The following POR variants were observed in gnomAD, a reference collection of about 807,000 sequenced individuals.
POR encodes cytochrome p450 oxidoreductase.
In POR, 56 loss-of-function variants were observed where a neutral mutation model predicts 84.0. The ratio of observed to expected loss-of-function variants is 0.67; its 90% CI spans 0.54 to 0.83. The LOEUF is 0.83. POR is among the 40% of genes least tolerant of loss of function. The pLI is 0.00. For missense variants in POR, 938 were observed against 944.3 expected (o/e 0.99, Z 0.09); for synonymous variants, 414 against 400.5 (o/e 1.03, Z -0.40).
intron 10 of POR, 67 bp downstream of exon 10, chr7:75,983,923 C>T (rs899780848): frequency 1.5e-5 from 19 of 1,306,072 alleles, no homozygotes; most frequent in African/African-American, 1.5e-5. Flanking sequence ...GTAGGAAGGC[C>T]CTGGGTTGAG....
At chr7:75,957,451 C>T (rs1787737289) in intron 2 of POR, among the ~76,000 whole-genome samples, 1 of 152,158 alleles carries the variant, frequency 6.6e-6, no homozygotes. Context: ...GTCCAGGACC[C>T]AGCTCCTGAA....
chr7:75,936,616 C>G (rs1160279284), intron 1 of POR, among the ~76,000 whole-genome samples: 3 of 151,966 alleles, frequency 2.0e-5, no homozygotes, highest in Non-Finnish European at 4.4e-5. Context: ...ATGCTGTGGG[C>G]TTGCTGCCGT....
At chr7:75,957,509 C>T (rs374040396) in intron 2 of POR, among the ~76,000 whole-genome samples, 7 of 151,126 alleles carry the variant, frequency 4.6e-5, no homozygotes, top group South Asian at 4.3e-4. Flanking sequence ...GCCCCACCGC[C>T]GTGAGTGAGG....
At chr7:75,983,045 G>C (rs1347281506) in intron 8 of POR, among the ~76,000 whole-genome samples, 1 of 152,198 alleles carries the variant, frequency 6.6e-6, no homozygotes, top group East Asian at 1.9e-4. Context: ...GGACTATAGA[G>C]AGAACTGCAT....
At chr7:75,974,337 G>A (rs919790167) in intron 3 of POR, among the ~76,000 whole-genome samples, 3 of 152,000 alleles carry the variant, frequency 2.0e-5, no homozygotes, top group East Asian at 1.9e-4. Flanking sequence ...CAAGAATAGC[G>A]ACGTGTGAGA....
intron 1 of POR, among the ~76,000 whole-genome samples, chr7:75,919,020 A>G (rs1194267654): frequency 2.7e-5 from 4 of 146,614 alleles, no homozygotes; most frequent in African/African-American, 1.0e-4. Flanking sequence ...TTTTTTTTAG[A>G]CAGAGTCTCA....
In POR at chr7:75,979,652, C is replaced by T. The variant is rs574876074; in HGVS notation, c.366+73C>T. The T allele has an allele frequency of 7.6e-6, 12 of 1,575,312 alleles. No individual in the cohort carries two copies. The East Asian group carries it at 2.5e-4, about 33-fold the overall frequency. Reference sequence around the variant, plus strand: ...CAGGGAGCAGGTCTGTAGGGCGCCCCTCAGCAGGGGGAGGCCGGCAGGGAG... The same window carrying T: ...CAGGGAGCAGGTCTGTAGGGCGCCCTTCAGCAGGGGGAGGCCGGCAGGGAG... On this transcript the variant is annotated intron_variant, in intron 4 of 15. Transcript: ENST00000461988.
At chr7:75,968,026 G>C (rs1463253231) in intron 2 of POR, 5 of 454,632 alleles carry the variant, frequency 1.1e-5, no homozygotes, top group East Asian at 6.9e-5. Context: ...CTGGTGTCCA[G>C]GAGAGAGCTG....
chr7:75,923,145 G>A (rs1399061522), intron 1 of POR: 9 of 1,043,258 alleles, frequency 8.6e-6, no homozygotes, highest in Non-Finnish European at 1.3e-5. Context: ...CAAATCTGAA[G>A]TCTGTCCAGA....
chr7:75,940,294 C>T (rs963186882), intron 1 of POR, among the ~76,000 whole-genome samples: 10 of 150,996 alleles, frequency 6.6e-5, no homozygotes, highest in Non-Finnish European at 1.2e-4. Context: ...GCCATGTTGG[C>T]CAGGCTGGTC....
chr7:75,945,943 G>T (rs1206041153), intron 1 of POR, among the ~76,000 whole-genome samples: 3 of 152,166 alleles, frequency 2.0e-5, no homozygotes, highest in Non-Finnish European at 4.4e-5. Context: ...GCCTCAGAGA[G>T]CCCTTGTGTT....
chr7:75,985,843 C>T lies in POR; in HGVS notation c.1663C>T (p.Gln555Ter). ...CATCCAGGAGCGGGCCTGGCTGCGACAGCAGGGTGAGTGGGGTCCCATGGG... is the reference window on the plus strand; with the variant it reads ...CATCCAGGAGCGGGCCTGGCTGCGATAGCAGGGTGAGTGGGGTCCCATGGG... The change falls in exon 13 of 16, where the codon CAG becomes TAG. Residue 555 changes from glutamine (Q) to a stop codon, truncating the protein, a stop_gained. Coordinates refer to ENST00000461988, the MANE Select transcript of POR (RefSeq NM_000941.3). LOFTEE classifies it high-confidence loss of function. 6.5e-7 allele frequency: 1 copy of T among 1,550,022 alleles called. No individual in the cohort carries two copies. The highest frequency in any genetic ancestry group is 8.7e-7 in the Non-Finnish European group (1 of 1,144,282).
chr7:75,980,628 T>C (rs1788962715), intron 5 of POR, 140 bp downstream of exon 5: 2 of 1,577,524 alleles, frequency 1.3e-6, no homozygotes, highest in East Asian at 2.3e-5. Context: ...TGTGAGACCC[T>C]CTCCTCTGCC....
At chr7:75,970,108 G>T (rs930815237) in intron 2 of POR, among the ~76,000 whole-genome samples, 2 of 152,088 alleles carry the variant, frequency 1.3e-5, no homozygotes, top group Non-Finnish European at 2.9e-5. Flanking sequence ...AGCCCAGAGA[G>T]GTGGGAAATG....
At chr7:75,954,276 C>G in intron 2 of POR, 96 bp downstream of exon 2, 1 of 1,290,566 alleles carries the variant, frequency 7.7e-7, no homozygotes. Flanking sequence ...AGAAGCAAGG[C>G]TCCTTGTAGC....
chr7:75,933,453 A>G lies in POR; in HGVS notation c.-5+18274A>G, dbSNP rs183090422. ...GCCCAGGCTGGAGTGCAATGGCGCG[A>G]TCTCGGCTCACTGCAACCTCTGCCT... On this transcript the variant is annotated intron_variant, in intron 1 of 15. Transcript: ENST00000461988. Among the ~76,000 whole-genome samples, 415 of 133,416 alleles carry G rather than the reference A, an allele frequency of 3.1e-3. 6 individuals are homozygous for G. The highest frequency in any genetic ancestry group is 0.011 in the African/African-American group (393 of 37,386). The allele number at this position is 133,416 out of a possible 152,430, so 87.5% of individuals were successfully genotyped here. A position where few individuals can be genotyped will look rare whatever the true frequency, so the allele number is the denominator to read the frequency against.
At chr7:75,920,765 C>CCTTTCTGAA (rs782634734) in intron 1 of POR, among the ~76,000 whole-genome samples, 3 of 152,060 alleles carry the variant, frequency 2.0e-5, no homozygotes, top group Admixed American at 6.6e-5. Flanking sequence ...ACTACGGTCA[C>CCTTTCTGAA]CTTTCTGAAC....
At chr7:75,973,674 CTTTT>C (rs35274225) in intron 3 of POR, among the ~76,000 whole-genome samples, 2 of 64,932 alleles carry the variant, frequency 3.1e-5, no homozygotes, top group Admixed American at 2.7e-4. Context: ...CCAGACCTTG[CTTTT>C]TTTTTTTTTT....
At chr7:75,981,968 T>C (rs1789074416) in intron 7 of POR, 2 of 559,580 alleles carry the variant, frequency 3.6e-6, no homozygotes, top group Non-Finnish European at 6.4e-6. Flanking sequence ...CTTCCTTACC[T>C]TCTCCCAGAT....
Sources: gnomAD v4.1 joint callset for allele counts (sites outside exome capture counted in the v4.1 genomes callset) on GRCh38, gnomAD v4.1.1 for gene constraint, MANE v1.5 for transcripts, NCBI Gene and HGNC (gene_info 2026-07-23, HGNC 2026-07-21) for gene names.